Variants in ZNF81 observed in about 807,000 individuals in gnomAD.
ZNF81 encodes zinc finger protein 81.
A neutral mutation model predicts 32.3 loss-of-function variants in ZNF81; 5 were observed. The ratio of observed to expected loss-of-function variants is 0.15; its 90% CI spans 0.08 to 0.33. The LOEUF is 0.33. Ranked by LOEUF, ZNF81 falls within the 10% of genes least tolerant of loss-of-function variation. The probability of loss-of-function intolerance (pLI) is 1.00; values close to 1 mark genes in which losing one functional copy is unlikely to be tolerated. For synonymous variants in ZNF81, 163 were observed against 166.8 expected (o/e 0.98, Z 0.17); for missense variants, 379 against 479.8 (o/e 0.79, Z 1.96).
At chrX:47,904,815 A>G (rs1293362318) in intron 4 of ZNF81, among the ~76,000 whole-genome samples, 1 of 112,047 alleles carries the variant, frequency 8.9e-6, no homozygotes, top group South Asian at 3.7e-4. Flanking sequence ...AACCAACCCA[A>G]ATGTCCAACA....
intron 4 of ZNF81, among the ~76,000 whole-genome samples, chrX:47,912,415 A>G (rs782492228): frequency 1.9e-5 from 2 of 103,985 alleles, no homozygotes; most frequent in Non-Finnish European, 3.9e-5. Flanking sequence ...AGTCAGTGGT[A>G]TAATTTATTC....
At chrX:47,857,050 A>G in intron 2 of ZNF81, among the ~76,000 whole-genome samples, 1 of 112,489 alleles carries the variant, frequency 8.9e-6, no homozygotes, top group East Asian at 2.8e-4. Context: ...CTGCAATTTT[A>G]AAACCTGAGC....
At chrX:47,858,604 C>G (rs2058526636) in intron 2 of ZNF81, among the ~76,000 whole-genome samples, 1 of 111,366 alleles carries the variant, frequency 9.0e-6, no homozygotes, top group Non-Finnish European at 1.9e-5. Flanking sequence ...AAGATGGAGG[C>G]CTTGCTTCCC....
At chrX:47,886,645 G>A (rs1266296351) in intron 2 of ZNF81, among the ~76,000 whole-genome samples, 2 of 104,116 alleles carry the variant, frequency 1.9e-5, no homozygotes, top group African/African-American at 7.1e-5. Flanking sequence ...TGTCACCCAG[G>A]CTGGAGTGCA....
Position 47,915,541 on chromosome X carries a change from G to A in ZNF81, c.895G>A (p.Glu299Lys). The change falls in exon 5 of 5, where the codon GAA becomes AAA. Residue 299 changes from glutamate to lysine, a missense_variant. Physicochemically the swap from Glu to Lys is moderately conservative, Grantham distance 56. Around this residue, in one of 2 missense-constraint regions of ZNF81, gnomAD observed 277 missense variants for 306.6 expected, o/e 0.90. Transcript: ENST00000338637. Reference protein sequence around the residue: ...FFAPQKIHTVEKPHELSKCVN... With the variant: ...FFAPQKIHTVKKPHELSKCVN... ...TGCTCCTCAAAAAATTCATACTGTG[G>A]AAAAACCTCATGAGCTTAGCAAATG... 1 of 1,209,438 alleles carries A rather than the reference G, an allele frequency of 8.3e-7. No homozygotes were observed. The highest frequency in any genetic ancestry group is 1.1e-6 in the Non-Finnish European group (1 of 895,127).
rs1432771708 is a variant in ZNF81, at chrX:47,924,899, A to G, written c.*8267A>G. ...TAATTATGTGTATTTTCAATCATGT[A>G]GAAATATTGAAAACACAGTACAACC... On this transcript the variant is annotated 3_prime_UTR_variant, in exon 5 of 5. Coordinates refer to ENST00000338637, the MANE Select transcript of ZNF81 (RefSeq NM_007137.5). Among the ~76,000 whole-genome samples the G allele has an allele frequency of 1.8e-5, 2 of 111,737 alleles. No individual in the cohort carries two copies. Among genetic ancestry groups the G allele is most frequent in the Non-Finnish European group, 3.8e-5 (2 of 53,151 alleles).
intron 2 of ZNF81, among the ~76,000 whole-genome samples, chrX:47,881,153 T>C (rs781953636): frequency 1.9e-4 from 21 of 112,241 alleles, no homozygotes; most frequent in Admixed American, 5.7e-4. Flanking sequence ...GCTACAAGTC[T>C]GCCTTTCTTC....
At chrX:47,882,303 A>G (rs996380677) in intron 2 of ZNF81, among the ~76,000 whole-genome samples, 2 of 111,716 alleles carry the variant, frequency 1.8e-5, no homozygotes, top group Non-Finnish European at 3.8e-5. Context: ...GGCAACAACC[A>G]TTGTTAAGGT....
chrX:47,839,404 G>A (rs1484779353), intron 1 of ZNF81, among the ~76,000 whole-genome samples: 2 of 111,405 alleles, frequency 1.8e-5, no homozygotes, highest in Non-Finnish European at 3.8e-5. Flanking sequence ...AAAACTTTCT[G>A]AGTGCCAACA....
intron 4 of ZNF81, among the ~76,000 whole-genome samples, chrX:47,907,031 C>T (rs1166968151): frequency 9.3e-6 from 1 of 107,397 alleles, no homozygotes; most frequent in African/African-American, 3.4e-5. Context: ...AACCTAAGAG[C>T]ATTAAGCTCT....
At chrX:47,896,547 GTCACTA>G (rs2058680532) in intron 4 of ZNF81, among the ~76,000 whole-genome samples, 1 of 111,447 alleles carries the variant, frequency 9.0e-6, no homozygotes, top group African/African-American at 3.3e-5. Flanking sequence ...TGACTTTATG[GTCACTA>G]TCACTTAGCA....
chrX:47,914,287 A>C (rs1334046563), intron 4 of ZNF81, among the ~76,000 whole-genome samples: 4 of 111,610 alleles, frequency 3.6e-5, no homozygotes, highest in Non-Finnish European at 7.5e-5. Context: ...CAAAAGGTGG[A>C]TAGTAATAAT....
chrX:47,853,607 G>A (rs2058504579), intron 2 of ZNF81, among the ~76,000 whole-genome samples: 1 of 111,677 alleles, frequency 9.0e-6, no homozygotes, highest in African/African-American at 3.3e-5. Context: ...GGAGTGCAGT[G>A]ACGTTATCAT....
intron 2 of ZNF81, among the ~76,000 whole-genome samples, chrX:47,866,195 G>A (rs1223646616): frequency 3.6e-5 from 4 of 111,894 alleles, no homozygotes; most frequent in South Asian, 3.7e-4. Flanking sequence ...GTGTGCTGGC[G>A]GAAGTCACCA....
At chrX:47,895,681 A>G (rs2058677288) in intron 3 of ZNF81, among the ~76,000 whole-genome samples, 164 bp from the exon 4 acceptor site, 1 of 112,260 alleles carries the variant, frequency 8.9e-6, no homozygotes, top group African/African-American at 3.2e-5. Context: ...TATCTGGGAC[A>G]TTAGAACCCT....
chrX:47,875,320 C>T (rs1320760743), intron 2 of ZNF81, among the ~76,000 whole-genome samples: 1 of 112,475 alleles, frequency 8.9e-6, no homozygotes, highest in African/African-American at 3.2e-5. Context: ...TTCTAAGAAT[C>T]ACCACAAATA....
rs2058751772 is a variant in ZNF81, at chrX:47,915,172, G to A, written c.526G>A (p.Val176Ile). The part of the protein sequence containing the change: ...DYEYKDFGKF[V>I]HPSPNLILSQ... ...TGAATATAAAGACTTTGGAAAATTTGTTCATCCAAGCCCAAATCTCATTCT... is the reference window on the plus strand; with the variant it reads ...TGAATATAAAGACTTTGGAAAATTTATTCATCCAAGCCCAAATCTCATTCT... Residue 176 changes from valine (V) to isoleucine (I), a missense_variant, in exon 5 of 5, where the codon GTT becomes ATT. Physicochemically the swap from Val to Ile is conservative, Grantham distance 29 (BLOSUM62 3). Transcript: ENST00000338637. The A allele has an allele frequency of 1.7e-6, 2 of 1,198,560 alleles. No individual in the cohort carries two copies. Among genetic ancestry groups the A allele is most frequent in the Non-Finnish European group, 2.2e-6 (2 of 890,534 alleles).
chrX:47,853,884 C>T (rs1556881553), intron 2 of ZNF81, among the ~76,000 whole-genome samples: 1 of 111,987 alleles, frequency 8.9e-6, no homozygotes, highest in African/African-American at 3.2e-5. Flanking sequence ...GCATTAATCC[C>T]TAACAAGAGA....
intron 2 of ZNF81, among the ~76,000 whole-genome samples, chrX:47,853,549 G>T (rs1191935663): frequency 1.8e-4 from 20 of 110,431 alleles, no homozygotes; most frequent in African/African-American, 5.0e-4. Context: ...CACCTTTTTT[G>T]TTGTTGTTTG....
Sources: allele counts gnomAD v4.1 joint callset (sites outside exome capture counted in the v4.1 genomes callset), GRCh38; gene constraint gnomAD v4.1.1; regional missense constraint gnomAD v4.1.1; transcripts MANE v1.5; gene names NCBI Gene and HGNC (gene_info 2026-07-23, HGNC 2026-07-21).